UBASH3B: variants seen among roughly 807,000 people sequenced by gnomAD.
UBASH3B encodes the protein ubiquitin-associated and SH3 domain-containing protein B.
UBASH3B carries 37 observed loss-of-function variants against 83.4 expected under a neutral mutation model. The observed-to-expected ratio is 0.44, with a 90% CI of 0.34 to 0.58. The LOEUF (loss-of-function observed/expected upper bound fraction) is 0.58. UBASH3B is among the 20% of genes least tolerant of loss of function. The pLI is 0.01. For synonymous variants in UBASH3B, 304 were observed against 318.3 expected (o/e 0.96, Z 0.48); for missense variants, 657 against 827.2 (o/e 0.79, Z 2.52).
chr11:122,675,250 C>A (rs904872969), intron 1 of UBASH3B, among the ~76,000 whole-genome samples: 3 of 152,202 alleles, frequency 2.0e-5, no homozygotes, highest in Non-Finnish European at 2.9e-5. Context: ...AGCACCCTGA[C>A]TGGCAAATAA....
At chr11:122,656,432 G>T (rs914330516) in intron 1 of UBASH3B, among the ~76,000 whole-genome samples, 4 of 152,096 alleles carry the variant, frequency 2.6e-5, no homozygotes, top group Non-Finnish European at 5.9e-5. Flanking sequence ...AGGGCTCGCC[G>T]TGGGATGCCT....
chr11:122,712,971 G>A (rs1485188067), intron 1 of UBASH3B, among the ~76,000 whole-genome samples: 7 of 136,356 alleles, frequency 5.1e-5, no homozygotes, highest in African/African-American at 1.2e-4. Context: ...GCAGTGGTGC[G>A]ATCTCGGCTC....
chr11:122,809,321 CGCCTCG>C (rs1333851823), intron 13 of UBASH3B, among the ~76,000 whole-genome samples: 1 of 152,170 alleles, frequency 6.6e-6, no homozygotes, highest in African/African-American at 2.4e-5. Flanking sequence ...GTGACCCGCC[CGCCTCG>C]GCCTCCCAAA....
chr11:122,678,699 C>T (rs888578912), intron 1 of UBASH3B, among the ~76,000 whole-genome samples: 1 of 152,142 alleles, frequency 6.6e-6, no homozygotes, highest in Non-Finnish European at 1.5e-5. Context: ...GGCTGCCATT[C>T]CCAAAATCTC....
At chr11:122,670,487 A>G (rs1405105143) in intron 1 of UBASH3B, among the ~76,000 whole-genome samples, 2 of 152,140 alleles carry the variant, frequency 1.3e-5, no homozygotes, top group East Asian at 3.9e-4. Flanking sequence ...CTCTAAGCTC[A>G]GTTTTGTCTT....
At chr11:122,755,058 C>T (rs139232406) in intron 1 of UBASH3B, among the ~76,000 whole-genome samples, 4 of 152,268 alleles carry the variant, frequency 2.6e-5, no homozygotes, top group Non-Finnish European at 4.4e-5. Flanking sequence ...AGCCATTGTT[C>T]TCTCTAAGCC....
chr11:122,717,376 A>G (rs573173501), intron 1 of UBASH3B, among the ~76,000 whole-genome samples: 2 of 152,184 alleles, frequency 1.3e-5, no homozygotes, highest in Non-Finnish European at 2.9e-5. Flanking sequence ...AGATAATCAC[A>G]TCAGAATATA....
At chr11:122,788,262 C>T (rs1166361043) in intron 5 of UBASH3B, among the ~76,000 whole-genome samples, 3 of 152,118 alleles carry the variant, frequency 2.0e-5, no homozygotes, top group Non-Finnish European at 4.4e-5. Context: ...AGGCAAGAAC[C>T]ATGTCTGGTT....
At chr11:122,672,682 T>C (rs1463680091) in intron 1 of UBASH3B, among the ~76,000 whole-genome samples, 1 of 152,100 alleles carries the variant, frequency 6.6e-6, no homozygotes, top group Non-Finnish European at 1.5e-5. Flanking sequence ...CAGATTTCAG[T>C]TCACAAGAAA....
At chr11:122,694,263 A>C (rs1863933288) in intron 1 of UBASH3B, among the ~76,000 whole-genome samples, 1 of 152,176 alleles carries the variant, frequency 6.6e-6, no homozygotes, top group Non-Finnish European at 1.5e-5. Context: ...GAGGGGATGT[A>C]ACAAGAATTT....
intron 1 of UBASH3B, among the ~76,000 whole-genome samples, chr11:122,744,873 C>CGTGTGTGTG (rs1555142485): frequency 7.2e-6 from 1 of 139,434 alleles, no homozygotes; most frequent in Non-Finnish European, 1.5e-5. Flanking sequence ...ATGTGTGACT[C>CGTGTGTGTG]TGTGTGTGTG....
At chr11:122,767,306 T>TTTTTG (rs149424023) in intron 1 of UBASH3B, among the ~76,000 whole-genome samples, 145 of 150,038 alleles carry the variant, frequency 9.7e-4, no homozygotes, top group African/African-American at 3.1e-3. Context: ...TAAAGGTTTC[T>TTTTTG]TTTTGTTTTG....
intron 1 of UBASH3B, among the ~76,000 whole-genome samples, chr11:122,684,628 GAC>G (rs1413029128): frequency 6.6e-6 from 1 of 152,166 alleles, no homozygotes; most frequent in Non-Finnish European, 1.5e-5. Flanking sequence ...GTTGTTTTGA[GAC>G]AGAGTTTCGC....
chr11:122,680,525 G>A (rs921724055), intron 1 of UBASH3B, among the ~76,000 whole-genome samples: 5 of 152,206 alleles, frequency 3.3e-5, no homozygotes, highest in South Asian at 2.1e-4. Context: ...GTGCAATGGC[G>A]CGATCTTGGC....
intron 1 of UBASH3B, among the ~76,000 whole-genome samples, chr11:122,737,882 G>A (rs1468849001): frequency 6.6e-6 from 1 of 152,338 alleles, no homozygotes; most frequent in Non-Finnish European, 1.5e-5. Flanking sequence ...GCCCAGGGAA[G>A]AGCTGGGATT....
In UBASH3B at chr11:122,812,423, T is replaced by G. The variant is rs1049859963; in HGVS notation, c.*2537T>G. 2.0e-5 allele frequency: 3 copies of G among 152,230 alleles called. No individual in the cohort carries two copies. Among genetic ancestry groups the G allele is most frequent in the Admixed American group, 6.5e-5 (1 of 15,280 alleles). 9.4% of individuals were successfully genotyped at this position (152,230 alleles called of 1,614,324 possible). On this transcript the variant is annotated 3_prime_UTR_variant, in exon 14 of 14. Transcript: ENST00000284273. ...GAGACAACTATATTACTCAATTTCA[T>G]ATACATCCAAAAAGTATAGGCTAAT...
intron 7 of UBASH3B, among the ~76,000 whole-genome samples, chr11:122,795,417 C>T (rs911992069): frequency 2.3e-4 from 35 of 152,264 alleles, no homozygotes; most frequent in African/African-American, 8.2e-4. Context: ...CACGTCAGGG[C>T]AACTAGAAGC....
At chr11:122,736,677 A>C (rs1591792632) in intron 1 of UBASH3B, among the ~76,000 whole-genome samples, 1 of 152,048 alleles carries the variant, frequency 6.6e-6, no homozygotes, top group East Asian at 1.9e-4. Flanking sequence ...AACACACATC[A>C]AATAAGTAAT....
chr11:122,699,333 GT>G (rs1565533411), intron 1 of UBASH3B, among the ~76,000 whole-genome samples: 1 of 152,134 alleles, frequency 6.6e-6, no homozygotes, highest in Non-Finnish European at 1.5e-5. Flanking sequence ...AGTGTGGCAC[GT>G]GGAGTCACCG....
Sources: allele counts gnomAD v4.1 joint callset (sites outside exome capture counted in the v4.1 genomes callset), GRCh38; gene constraint gnomAD v4.1.1; transcripts MANE v1.5; gene names NCBI Gene and HGNC (gene_info 2026-07-23, HGNC 2026-07-21).